Variants in ZNF599 observed in about 807,000 individuals in gnomAD.
ZNF599 encodes the protein zinc finger protein 599.
In ZNF599, 10 loss-of-function variants were observed where a neutral mutation model predicts 11.7. The observed-to-expected ratio is 0.86, with a 90% confidence interval of 0.53 to 1.45. The LOEUF (loss-of-function observed/expected upper bound fraction) is 1.45. Among genes scored for constraint, ZNF599 ranks in the 40% most tolerant of loss-of-function variants. The pLI, the probability that ZNF599 is intolerant of heterozygous loss-of-function variation, is 0.00. For missense variants in ZNF599, 688 were observed against 713.6 expected (o/e 0.96, Z 0.41); for synonymous variants, 232 against 253.2 (o/e 0.92, Z 0.79).
the ZNF599 span, among the ~76,000 whole-genome samples, chr19:34,797,215 G>C: frequency 1.3e-5 from 2 of 152,124 alleles, no homozygotes; most frequent in Admixed American, 6.5e-5. Flanking sequence ...GTCTATCATT[G>C]TTGGACATTT....
At position 34,759,063 on chromosome 19, in the gene ZNF599, G is replaced by A; in HGVS notation, c.1738C>T (p.His580Tyr). ...ACTCTGGTATGAATCTTTCGATGGT[G>A]AGTGAACGATGAACTGTGGCTGAAG... ...KTFSHSSSFT[H>Y]HRKIHTRV The change falls in exon 4 of 4, where the codon CAC (histidine) becomes TAC (tyrosine). Residue 580 changes from histidine (H) to tyrosine (Y), a missense_variant. Coordinates refer to ENST00000329285, the MANE Select transcript of ZNF599 (RefSeq NM_001007248.3). 6.2e-7 allele frequency: 1 copy of A among 1,612,566 alleles called. No homozygotes were observed. The highest frequency in any genetic ancestry group is 8.5e-7 in the Non-Finnish European group (1 of 1,178,824).
the ZNF599 span, among the ~76,000 whole-genome samples, chr19:34,782,038 C>T: frequency 6.6e-6 from 1 of 152,202 alleles, no homozygotes; most frequent in South Asian, 2.1e-4. Context: ...CAATGGTGAA[C>T]AGGGACAGGT....
At chr19:34,782,288 A>G in the ZNF599 span, among the ~76,000 whole-genome samples, 1 of 152,360 alleles carries the variant, frequency 6.6e-6, no homozygotes, top group Admixed American at 6.5e-5. Context: ...ACTACAGGAA[A>G]GAAAATGGAA....
At chr19:34,771,102 A>G (rs58233639) in intron 1 of ZNF599, among the ~76,000 whole-genome samples, 1,535 of 152,232 alleles carry the variant, frequency 0.01, 24 homozygotes, top group African/African-American at 0.035. Context: ...CAGTGAGCCC[A>G]TCTCTACAAA....
At chr19:34,769,756 T>C (rs567620720) in intron 1 of ZNF599, among the ~76,000 whole-genome samples, 10 of 152,262 alleles carry the variant, frequency 6.6e-5, no homozygotes, top group East Asian at 1.9e-4. Flanking sequence ...TTGGAAACCA[T>C]TGGAAAATGA....
chr19:34,788,119 T>C, the ZNF599 span, among the ~76,000 whole-genome samples: 4 of 152,206 alleles, frequency 2.6e-5, no homozygotes, highest in Admixed American at 2.0e-4. Flanking sequence ...GGGAGGAGTC[T>C]ATGTGTAGGC....
At chr19:34,773,567 G>A (rs986503070), upstream of ZNF599, among the ~76,000 whole-genome samples, 1 of 151,994 alleles carries the variant, frequency 6.6e-6, no homozygotes, top group Admixed American at 6.5e-5. Context: ...AGATTCCTAA[G>A]GAAAATGAAG....
intron 1 of ZNF599, among the ~76,000 whole-genome samples, 154 bp from the exon 2 acceptor site, chr19:34,769,709 C>T (rs189236326): frequency 3.6e-4 from 55 of 152,300 alleles, no homozygotes; most frequent in African/African-American, 1.3e-3. Flanking sequence ...GTGCCGCTGA[C>T]AGAATACAAA....
intron 1 of ZNF599, 75 bp downstream of exon 1, chr19:34,772,749 T>C: frequency 3.3e-6 from 5 of 1,532,660 alleles, no homozygotes; most frequent in Non-Finnish European, 3.5e-6. Context: ...AGTCCCGGCA[T>C]CCGCCGTATT....
At chr19:34,785,054 G>A in the ZNF599 span, among the ~76,000 whole-genome samples, 21 of 149,374 alleles carry the variant, frequency 1.4e-4, no homozygotes, top group South Asian at 6.7e-4. Context: ...CCCCTGGACC[G>A]TCAGACTCAA....
chr19:34,805,409 G>A, the ZNF599 span, among the ~76,000 whole-genome samples: 1 of 151,920 alleles, frequency 6.6e-6, no homozygotes, highest in African/African-American at 2.4e-5. Flanking sequence ...TGTTGGCCAG[G>A]ATGGTCTCAA....
At chr19:34,783,754 C>T in the ZNF599 span, among the ~76,000 whole-genome samples, 3 of 152,184 alleles carry the variant, frequency 2.0e-5, no homozygotes, top group African/African-American at 7.2e-5. Context: ...TTACCAGATA[C>T]AAACAAAAGG....
chr19:34,778,143 A>G (rs1207894559), upstream of ZNF599, among the ~76,000 whole-genome samples: 4 of 152,102 alleles, frequency 2.6e-5, no homozygotes, highest in Non-Finnish European at 5.9e-5. Flanking sequence ...TGACACCTCA[A>G]TAGAGCTGTT....
Position 34,760,024 on chromosome 19 carries a change from CT to C in ZNF599, c.776del (p.Glu259GlyfsTer45). 6.2e-7 allele frequency: 1 copy of C among 1,614,104 alleles called. No individual in the cohort carries two copies. Among genetic ancestry groups the C allele is most frequent in the Non-Finnish European group, 8.5e-7 (1 of 1,180,016 alleles). ...HTGEKPYKCI[E>X]CGKAFKRRFH... ...ACCTGCGTTTGAAGGCTTTCCCACA[CT>C]CAATACACTTGTATGGTTTTTCCCC... On this transcript the variant is annotated frameshift_variant, in exon 4 of 4. Transcript: ENST00000329285. LOFTEE classifies it low-confidence loss of function (END_TRUNC).
the ZNF599 span, among the ~76,000 whole-genome samples, chr19:34,780,206 C>G: frequency 6.6e-6 from 1 of 152,120 alleles, no homozygotes; most frequent in Non-Finnish European, 1.5e-5. Flanking sequence ...TGCAAAGTGT[C>G]TTTCAAGAGT....
Position 34,760,063 on chromosome 19 carries a change from CAT to C in ZNF599, c.736_737del (p.Met246GlufsTer13). 3 of 1,614,052 alleles carry C rather than the reference CAT, an allele frequency of 1.9e-6. No individual in the cohort carries two copies. The highest frequency in any genetic ancestry group is 1.7e-6 in the Non-Finnish European group (2 of 1,179,996). On this transcript the variant is annotated frameshift_variant, in exon 4 of 4. Coordinates refer to ENST00000329285, the MANE Select transcript of ZNF599 (RefSeq NM_001007248.3). LOFTEE classifies it low-confidence loss of function (END_TRUNC). ...ATGGTTTTTCCCCAGTATGAAGCCTCATATGTCGAATGACATCAGCCATATAA... is the reference window on the plus strand; with the variant it reads ...ATGGTTTTTCCCCAGTATGAAGCCTCATGTCGAATGACATCAGCCATATAA... ...CRYMADVIRH[M>X]RLHTGEKPYK...
chr19:34,801,139 G>A, the ZNF599 span, among the ~76,000 whole-genome samples: 8 of 152,166 alleles, frequency 5.3e-5, no homozygotes, highest in Admixed American at 4.6e-4. Flanking sequence ...GTGAGCAGGG[G>A]CAGGATTTGA....
At chr19:34,772,780 G>T (rs1600160762) in intron 1 of ZNF599, 44 bp downstream of exon 1, 7 of 1,535,136 alleles carry the variant, frequency 4.6e-6, no homozygotes, top group Middle Eastern at 1.7e-4. Context: ...GGTGCATGCG[G>T]GCGGTGACCC....
At chr19:34,805,142 A>G in the ZNF599 span, among the ~76,000 whole-genome samples, 4 of 151,328 alleles carry the variant, frequency 2.6e-5, no homozygotes, top group African/African-American at 9.7e-5. Context: ...CCAGACAGTC[A>G]CTGCTCACCT....
Sources: gnomAD v4.1 joint callset for allele counts (sites outside exome capture counted in the v4.1 genomes callset) on GRCh38, gnomAD v4.1.1 for gene constraint, MANE v1.5 for transcripts, NCBI Gene and HGNC (gene_info 2026-07-23, HGNC 2026-07-21) for gene names.